Variants in TECPR2 observed in about 807,000 individuals in gnomAD.
TECPR2 encodes the protein tectonin beta-propeller repeat-containing protein 2.
Under a neutral mutation model 138.1 loss-of-function variants are expected in TECPR2, and 65 were observed. The observed-to-expected ratio is 0.47, with a 90% CI of 0.39 to 0.58. The LOEUF is 0.58. Ranked by LOEUF, TECPR2 falls within the 20% of genes least tolerant of loss-of-function variation. TECPR2 has a pLI of 0.00. For missense variants in TECPR2, 1,553 were observed against 1,824.5 expected (o/e 0.85, Z 2.71); for synonymous variants, 746 against 749.8 (o/e 0.99, Z 0.08).
At chr14:102,459,497 C>T (rs1890353780) in intron 16 of TECPR2, among the ~76,000 whole-genome samples, 3 of 152,072 alleles carry the variant, frequency 2.0e-5, no homozygotes, top group Admixed American at 1.3e-4. Context: ...AAAAACTTGT[C>T]GGCCAGGCAT....
intron 4 of TECPR2, among the ~76,000 whole-genome samples, chr14:102,413,206 G>A (rs7149731): frequency 0.038 from 5,713 of 152,044 alleles, 121 homozygotes; most frequent in Middle Eastern, 0.092. Flanking sequence ...TACCCAAAAA[G>A]GGACGAAATT....
chr14:102,378,627 T>A (rs1234002295), intron 2 of TECPR2, among the ~76,000 whole-genome samples: 2 of 152,094 alleles, frequency 1.3e-5, no homozygotes, highest in Non-Finnish European at 2.9e-5. Context: ...TGTATTAATA[T>A]ATATATATAT....
At chr14:102,409,364 A>G (rs951294085) in intron 4 of TECPR2, among the ~76,000 whole-genome samples, 3 of 151,630 alleles carry the variant, frequency 2.0e-5, no homozygotes, top group Non-Finnish European at 2.9e-5. Flanking sequence ...CAGTGGCCCA[A>G]TCTCGGCTTG....
In TECPR2 at chr14:102,376,638, T is replaced by G; in HGVS notation, c.-72-12T>G. On this transcript the variant is annotated splice_polypyrimidine_tract_variant and intron_variant, in intron 1 of 19. Coordinates refer to ENST00000359520, the MANE Select transcript of TECPR2 (RefSeq NM_014844.5). ...CTAGGCATTGAAAGGATTGTAATGC[T>G]TTGTTCTGTAGCCCCCAGGTTTCCC... is the stretch of plus-strand genomic sequence containing the variant. 2 of 1,270,708 alleles carry G rather than the reference T, an allele frequency of 1.6e-6. No individual in the cohort carries two copies. Among genetic ancestry groups the G allele is most frequent in the Non-Finnish European group, 2.3e-6 (2 of 885,550 alleles). 78.7% of individuals were successfully genotyped at this position (1,270,708 alleles called of 1,614,324 possible). A position where few individuals can be genotyped will look rare whatever the true frequency, so the allele number is the denominator to read the frequency against.
At chr14:102,452,733 G>A in intron 16 of TECPR2, 106 bp downstream of exon 16, 1 of 845,098 alleles carries the variant, frequency 1.2e-6, no homozygotes, top group Admixed American at 2.4e-5. Flanking sequence ...ACCTGTGAGA[G>A]TTCTGAGGGG....
At chr14:102,375,159 A>G (rs1167574663) in intron 1 of TECPR2, among the ~76,000 whole-genome samples, 1 of 151,966 alleles carries the variant, frequency 6.6e-6, no homozygotes, top group African/African-American at 2.4e-5. Flanking sequence ...AGCCTGGGCA[A>G]CACAGCGAGA....
At chr14:102,454,191 G>A (rs1890221209) in intron 16 of TECPR2, among the ~76,000 whole-genome samples, 1 of 151,970 alleles carries the variant, frequency 6.6e-6, no homozygotes, top group East Asian at 1.9e-4. Flanking sequence ...GAAGAGAAGG[G>A]CTTGTTCCCC....
In TECPR2 at chr14:102,372,554, A is replaced by G. The variant is rs982498161; in HGVS notation, c.-72-4096A>G. On this transcript the variant is annotated intron_variant, in intron 1 of 19. Coordinates refer to ENST00000359520, the MANE Select transcript of TECPR2 (RefSeq NM_014844.5). ...GTGCTGGGGTTTACAGGTGTGAGAC[A>G]CCGCGCCCAGCCTTCTTTGTGCTTT... is the stretch of plus-strand genomic sequence containing the variant. Among the ~76,000 whole-genome samples the G allele has an allele frequency of 8.5e-5, 13 of 152,252 alleles. No individual in the cohort carries two copies. The East Asian group carries it at 2.5e-3, about 29-fold the overall frequency.
chr14:102,445,202 G>A (rs901815939), intron 12 of TECPR2, among the ~76,000 whole-genome samples: 4 of 152,236 alleles, frequency 2.6e-5, no homozygotes, highest in African/African-American at 9.6e-5. Context: ...AAGCCTTGAA[G>A]CTGACGAGGA....
intron 16 of TECPR2, among the ~76,000 whole-genome samples, chr14:102,461,135 T>C (rs1031530065): frequency 3.3e-5 from 5 of 152,204 alleles, no homozygotes; most frequent in Non-Finnish European, 5.9e-5. Flanking sequence ...AGCAGTTGAA[T>C]ATGGAATTTT....
intron 6 of TECPR2, among the ~76,000 whole-genome samples, chr14:102,426,778 G>A (rs1038632753): frequency 2.6e-5 from 4 of 152,170 alleles, no homozygotes; most frequent in African/African-American, 9.7e-5. Context: ...AGAATTGCTT[G>A]AACCTGGGAG....
intron 1 of TECPR2, among the ~76,000 whole-genome samples, chr14:102,374,054 A>T (rs543195376): frequency 1.5e-4 from 22 of 150,398 alleles, no homozygotes; most frequent in Admixed American, 1.2e-3. Context: ...CTTGGGGGAC[A>T]GAGCGAGATT....
intron 15 of TECPR2, 106 bp from the exon 16 acceptor site, chr14:102,452,288 G>A: frequency 1.8e-6 from 2 of 1,119,386 alleles, no homozygotes; most frequent in Non-Finnish European, 2.6e-6. Flanking sequence ...GGCATCTGTG[G>A]CCAGGTGGCT....
chr14:102,479,590 G>A (rs756257475), intron 17 of TECPR2, among the ~76,000 whole-genome samples: 5 of 152,206 alleles, frequency 3.3e-5, no homozygotes, highest in Non-Finnish European at 5.9e-5. Flanking sequence ...CTGATTCGCT[G>A]GATTTGTGGT....
At chr14:102,429,468 T>C (rs1889410092) in intron 7 of TECPR2, among the ~76,000 whole-genome samples, 2 of 152,214 alleles carry the variant, frequency 1.3e-5, no homozygotes. Context: ...GCTTTTGACA[T>C]TTTTTGGTAA....
At chr14:102,404,990 C>G (rs764229292) in intron 2 of TECPR2, among the ~76,000 whole-genome samples, 52 of 152,092 alleles carry the variant, frequency 3.4e-4, no homozygotes, top group Non-Finnish European at 5.9e-4. Flanking sequence ...AAGTTGGACC[C>G]TTACCTAATA....
chr14:102,368,624 T>A (rs76566561), intron 1 of TECPR2, among the ~76,000 whole-genome samples: 6,019 of 151,988 alleles, frequency 0.04, 132 homozygotes, highest in Middle Eastern at 0.089. Context: ...TTTTTTTTTT[T>A]ATTTTTGTCG....
Position 102,443,520 on chromosome 14 carries a change from T to A in TECPR2, c.2753-127T>A. 2 of 853,896 alleles carry A rather than the reference T, an allele frequency of 2.3e-6. No homozygotes were observed. The highest frequency in any genetic ancestry group is 3.2e-6 in the Non-Finnish European group (2 of 629,218). 52.9% of individuals were successfully genotyped at this position (853,896 alleles called of 1,614,324 possible). ...TAATTAATTAATTAAAGTTTTTTTTTAAAGCACTCATCATAAAAGAATATA... is the reference window on the plus strand; with the variant it reads ...TAATTAATTAATTAAAGTTTTTTTTAAAAGCACTCATCATAAAAGAATATA... On this transcript the variant is annotated intron_variant, in intron 11 of 19. Transcript: ENST00000359520. This position sits in a 1 kb window ranked among gnomAD's most constrained non-coding sequence, Gnocchi z 4.9.
intron 5 of TECPR2, among the ~76,000 whole-genome samples, chr14:102,418,666 C>T (rs936589633): frequency 6.6e-6 from 1 of 152,146 alleles, no homozygotes. Context: ...AGGGCTGTGG[C>T]CAAGCCAGGG....
Sources: gnomAD v4.1 joint callset for allele counts (sites outside exome capture counted in the v4.1 genomes callset) on GRCh38, gnomAD v4.1.1 for gene constraint, Gnocchi (gnomAD v3.1) non-coding constraint, MANE v1.5 for transcripts, NCBI Gene and HGNC (gene_info 2026-07-23, HGNC 2026-07-21) for gene names.